Variants in GFOD1 observed in about 807,000 individuals in gnomAD.
GFOD1 encodes glucose-fructose oxidoreductase domain-containing protein 1.
GFOD1 carries 9 observed loss-of-function variants against 25.4 expected under a neutral mutation model. That is an observed-to-expected ratio of 0.35 (90% CI 0.21 to 0.62). The LOEUF is 0.62. GFOD1 is among the 20% of genes least tolerant of loss of function. The pLI is 0.72. For missense variants in GFOD1, 403 were observed against 556.9 expected (o/e 0.72, Z 2.78); for synonymous variants, 253 against 245.6 (o/e 1.03, Z -0.28).
chr6:13,438,383 A>G (rs555253166), intron 1 of GFOD1, among the ~76,000 whole-genome samples: 1 of 152,348 alleles, frequency 6.6e-6, no homozygotes, highest in South Asian at 2.1e-4. Flanking sequence ...TACCCTCTTT[A>G]CAAAGAAAGC....
At chr6:13,445,974 T>C in intron 1 of GFOD1, among the ~76,000 whole-genome samples, 1 of 152,068 alleles carries the variant, frequency 6.6e-6, no homozygotes, top group East Asian at 1.9e-4. Flanking sequence ...GAGTGCTGGG[T>C]GGCAGGAGGA....
At chr6:13,400,146 A>G (rs1785813981) in intron 1 of GFOD1, among the ~76,000 whole-genome samples, 1 of 152,224 alleles carries the variant, frequency 6.6e-6, no homozygotes, top group Non-Finnish European at 1.5e-5. Context: ...TCTAAAATAG[A>G]CATAGTGCAG....
intron 1 of GFOD1, among the ~76,000 whole-genome samples, chr6:13,386,300 C>A (rs549395928): frequency 6.6e-6 from 1 of 152,260 alleles, no homozygotes; most frequent in South Asian, 2.1e-4. Context: ...GCCTCCTATC[C>A]GTCAGGTCCA....
At position 13,365,635 on chromosome 6, in the gene GFOD1, C is replaced by A; in HGVS notation, c.281G>T (p.Arg94Leu). ...GAAAGCGTCCAGCGGCGTGGCCGTG[C>A]GGTCGCAGATGACGTTCTTGCCGAT... The part of the protein sequence containing the change: ...LGIGKNVICD[R>L]TATPLDAFRM... The change falls in exon 2 of 2, where the codon CGC becomes CTC. Residue 94 changes from arginine to leucine, a missense_variant. By Grantham distance (102) the Arg-to-Leu change is moderately radical. Coordinates refer to ENST00000379287, the MANE Select transcript of GFOD1 (RefSeq NM_018988.4). This position sits in a 1 kb window ranked among gnomAD's most constrained non-coding sequence, Gnocchi z 9.2. 1 of 1,597,720 alleles carries A rather than the reference C, an allele frequency of 6.3e-7. No individual in the cohort carries two copies. The highest frequency in any genetic ancestry group is 1.3e-5 in the African/African-American group (1 of 74,986).
intron 1 of GFOD1, among the ~76,000 whole-genome samples, chr6:13,392,037 G>A (rs1388695008): frequency 4.6e-5 from 7 of 152,180 alleles, no homozygotes; most frequent in African/African-American, 7.2e-5. Context: ...TGGTAGACAC[G>A]AGGAGACAGC....
intron 1 of GFOD1, among the ~76,000 whole-genome samples, chr6:13,402,589 TCAGTC>T (rs375275261): frequency 0.82 from 124,878 of 151,696 alleles, 53,841 homozygotes; most frequent in Non-Finnish European, 0.95. Context: ...CTCAACATCA[TCAGTC>T]TTTAGGGAAA....
chr6:13,443,046 GGT>G (rs1401597430), intron 1 of GFOD1, among the ~76,000 whole-genome samples: 2 of 152,172 alleles, frequency 1.3e-5, no homozygotes, highest in Admixed American at 6.5e-5. Flanking sequence ...CAAGGGAAGA[GGT>G]CAAAATATCA....
At chr6:13,375,533 A>G (rs1474349616) in intron 1 of GFOD1, among the ~76,000 whole-genome samples, 1 of 152,218 alleles carries the variant, frequency 6.6e-6, no homozygotes, top group Non-Finnish European at 1.5e-5. Flanking sequence ...AGAGTGACTC[A>G]TATTCAGCTC....
At chr6:13,412,969 A>G (rs1331961449) in intron 1 of GFOD1, among the ~76,000 whole-genome samples, 1 of 152,192 alleles carries the variant, frequency 6.6e-6, no homozygotes, top group Non-Finnish European at 1.5e-5. Context: ...CAGTCTTTCA[A>G]GTGGTCTCAG....
chr6:13,441,929 C>A (rs994660181), intron 1 of GFOD1, among the ~76,000 whole-genome samples: 3 of 152,170 alleles, frequency 2.0e-5, no homozygotes, highest in Admixed American at 2.0e-4. Context: ...AGGAGAGAAC[C>A]AGCCCTGGAC....
intron 1 of GFOD1, among the ~76,000 whole-genome samples, chr6:13,396,550 T>C (rs73365000): frequency 0.03 from 4,500 of 152,318 alleles, 196 homozygotes; most frequent in African/African-American, 0.1. Context: ...AATGTTTTCT[T>C]ATAGAATGGC....
intron 1 of GFOD1, among the ~76,000 whole-genome samples, chr6:13,413,634 G>GA (rs1013915167): frequency 7.2e-5 from 11 of 152,158 alleles, no homozygotes; most frequent in Admixed American, 7.2e-4. Flanking sequence ...GCCAAGATGG[G>GA]AAAAAAAGCA....
chr6:13,367,986 T>C (rs1259991123), intron 1 of GFOD1, among the ~76,000 whole-genome samples: 5 of 152,160 alleles, frequency 3.3e-5, no homozygotes, highest in African/African-American at 1.2e-4. Flanking sequence ...ATCCCACTTG[T>C]CCTGACTACA....
intron 1 of GFOD1, among the ~76,000 whole-genome samples, chr6:13,417,015 C>A (rs1256250153): frequency 6.6e-6 from 1 of 152,188 alleles, no homozygotes; most frequent in East Asian, 1.9e-4. Flanking sequence ...CTTATCATAT[C>A]CCTATCAGAA....
intron 1 of GFOD1, among the ~76,000 whole-genome samples, chr6:13,429,803 A>G (rs944752895): frequency 1.3e-5 from 2 of 152,358 alleles, no homozygotes; most frequent in African/African-American, 4.8e-5. Flanking sequence ...TTATATATTC[A>G]TATGTATGAA....
chr6:13,369,900 G>A (rs371131483), intron 1 of GFOD1, among the ~76,000 whole-genome samples: 1 of 151,920 alleles, frequency 6.6e-6, no homozygotes, highest in Non-Finnish European at 1.5e-5. Flanking sequence ...ACCCTAGGAG[G>A]TTTACTCTGA....
Position 13,450,761 on chromosome 6 carries a change from C to G in GFOD1, c.253+35877G>C, listed in dbSNP as rs151323393. Among the ~76,000 whole-genome samples the G allele has an allele frequency of 2.0e-5, 3 of 152,270 alleles. No homozygotes were observed. In the East Asian group the frequency reaches 5.8e-4, roughly 29 times the overall value. Reference sequence around the variant, plus strand: ...ATAGAAAGCAGTGTTCAGTATAAATCATACTGTTTGCACAAGCAGCTTCGG... The same window carrying G: ...ATAGAAAGCAGTGTTCAGTATAAATGATACTGTTTGCACAAGCAGCTTCGG... On this transcript the variant is annotated intron_variant, in intron 1 of 1. Coordinates refer to ENST00000379287, the MANE Select transcript of GFOD1 (RefSeq NM_018988.4).
At chr6:13,475,746 T>TAAG (rs1758609566) in intron 1 of GFOD1, among the ~76,000 whole-genome samples, 1 of 145,282 alleles carries the variant, frequency 6.9e-6, no homozygotes, top group African/African-American at 2.5e-5. Context: ...ATAATAATAA[T>TAAG]AATAATAATA....
chr6:13,413,420 A>T (rs983380651), intron 1 of GFOD1, among the ~76,000 whole-genome samples: 2 of 152,248 alleles, frequency 1.3e-5, no homozygotes, highest in African/African-American at 4.8e-5. Flanking sequence ...ATGAGCACAC[A>T]TGCCTCATCA....
Sources: allele counts gnomAD v4.1 joint callset (sites outside exome capture counted in the v4.1 genomes callset), GRCh38; gene constraint gnomAD v4.1.1; non-coding constraint Gnocchi (gnomAD v3.1); transcripts MANE v1.5; gene names NCBI Gene and HGNC (gene_info 2026-07-23, HGNC 2026-07-21).